Variants in PCMTD1 observed in about 807,000 individuals in gnomAD.
PCMTD1 encodes protein-L-isoaspartate O-methyltransferase domain-containing protein 1.
Under a neutral mutation model 37.6 loss-of-function variants are expected in PCMTD1, and 12 were observed. The observed-to-expected ratio is 0.32, with a 90% confidence interval of 0.20 to 0.52. The LOEUF is 0.52. PCMTD1 is among the 20% of genes least tolerant of loss of function. The pLI is 0.97. For synonymous variants in PCMTD1, 117 were observed against 135.8 expected, an observed-to-expected ratio of 0.86 and a Z score of 0.96; for missense variants, 235 against 421.3, an observed-to-expected ratio of 0.56 and a Z score of 3.87.
intron 1 of PCMTD1, among the ~76,000 whole-genome samples, chr8:51,877,468 C>A (rs1301253515): frequency 6.6e-6 from 1 of 152,140 alleles, no homozygotes; most frequent in African/African-American, 2.4e-5. Context: ...CATGCTAGGG[C>A]AAATATTTAG....
intron 5 of PCMTD1, among the ~76,000 whole-genome samples, chr8:51,822,605 C>T (rs1166947877): frequency 1.3e-5 from 2 of 152,186 alleles, no homozygotes; most frequent in African/African-American, 4.8e-5. Context: ...CAAGTAATAA[C>T]TGAATGCTAG....
intron 1 of PCMTD1, among the ~76,000 whole-genome samples, chr8:51,898,072 T>C (rs951313483): frequency 2.0e-5 from 3 of 152,138 alleles, no homozygotes; most frequent in African/African-American, 7.2e-5. Flanking sequence ...TTCATGTTTT[T>C]CTCAAGGAGC....
intron 1 of PCMTD1, among the ~76,000 whole-genome samples, chr8:51,893,990 C>G (rs1432758757): frequency 6.6e-6 from 1 of 152,180 alleles, no homozygotes; most frequent in Non-Finnish European, 1.5e-5. Context: ...CCAATTACAA[C>G]TGTTAGAGTA....
In PCMTD1 at chr8:51,820,117, A is replaced by T. The variant is rs183268151; in HGVS notation, c.*234T>A. The T allele has an allele frequency of 6.1e-5, 20 of 326,654 alleles. No individual in the cohort carries two copies. The highest frequency in any genetic ancestry group is 3.8e-5 in the Non-Finnish European group (7 of 183,054). 20.2% of individuals were successfully genotyped at this position (326,654 alleles called of 1,614,324 possible). Reference sequence around the variant, plus strand: ...TGACTACTGTTGCATTCCACTTTGAAATCACTCTGAGCTAAAACAACATTT... The same window carrying T: ...TGACTACTGTTGCATTCCACTTTGATATCACTCTGAGCTAAAACAACATTT... On this transcript the variant is annotated 3_prime_UTR_variant, in exon 6 of 6. Transcript: ENST00000522514.
chr8:51,877,062 T>C (rs2038722894), intron 1 of PCMTD1, among the ~76,000 whole-genome samples: 1 of 152,204 alleles, frequency 6.6e-6, no homozygotes, highest in African/African-American at 2.4e-5. Context: ...TTCACCAACA[T>C]TGGGCCTGTA....
intron 2 of PCMTD1, among the ~76,000 whole-genome samples, chr8:51,848,323 A>C (rs981808277): frequency 4.6e-5 from 7 of 152,076 alleles, no homozygotes; most frequent in Admixed American, 6.6e-5. Flanking sequence ...GAGAGAAAAA[A>C]AATCTAGTTA....
chr8:51,835,720 A>T (rs955706304), intron 3 of PCMTD1, among the ~76,000 whole-genome samples: 2 of 152,222 alleles, frequency 1.3e-5, no homozygotes, highest in African/African-American at 4.8e-5. Context: ...AAACATGTTA[A>T]ATCAACTAAA....
rs1310233210 is a variant in PCMTD1, at chr8:51,825,471, G to A, written c.707-4753C>T. Among the ~76,000 whole-genome samples, 3 of 47,778 alleles carry A rather than the reference G, an allele frequency of 6.3e-5. 1 individual carries two copies. Among genetic ancestry groups the A allele is most frequent in the African/African-American group, 9.4e-5 (3 of 31,748 alleles). The allele number at this position is 47,778 out of a possible 152,430, so 31.3% of individuals were successfully genotyped here. ...GCACTTTGGGAGGCCGAGGCGGGTG[G>A]ATCATGAGGTCAGGAGATCGAGACC... is the stretch of plus-strand genomic sequence containing the variant. On this transcript the variant is annotated intron_variant, in intron 5 of 5. Coordinates refer to ENST00000522514, the MANE Select transcript of PCMTD1 (RefSeq NM_052937.4).
chr8:51,896,948 CTA>C (rs934669721), intron 1 of PCMTD1, among the ~76,000 whole-genome samples: 2 of 149,660 alleles, frequency 1.3e-5, no homozygotes, highest in African/African-American at 4.9e-5. Context: ...ATTTATTACT[CTA>C]TAGAATGAGA....
intron 2 of PCMTD1, among the ~76,000 whole-genome samples, chr8:51,857,789 T>C (rs1000380117): frequency 1.3e-5 from 2 of 152,324 alleles, no homozygotes; most frequent in Non-Finnish European, 2.9e-5. Context: ...AGTAAATTTA[T>C]GAATAATTCC....
intron 1 of PCMTD1, among the ~76,000 whole-genome samples, chr8:51,889,218 T>C (rs2038905383): frequency 6.6e-6 from 1 of 152,224 alleles, no homozygotes; most frequent in African/African-American, 2.4e-5. Flanking sequence ...TCCGTCACTT[T>C]CTATCAAGTG....
At chr8:51,834,383 A>G (rs1415731214) in intron 3 of PCMTD1, among the ~76,000 whole-genome samples, 2 of 152,182 alleles carry the variant, frequency 1.3e-5, no homozygotes, top group African/African-American at 4.8e-5. Flanking sequence ...GTTCCTGGTA[A>G]TAGTGTTGGT....
chr8:51,896,281 A>G (rs2038999595), intron 1 of PCMTD1: 1 of 152,128 alleles, frequency 6.6e-6, no homozygotes, highest in Non-Finnish European at 1.5e-5. Flanking sequence ...TGCCACATCT[A>G]GTGGAAAATG....
intron 2 of PCMTD1, chr8:51,850,206 T>C (rs2038284901): frequency 1.6e-6 from 1 of 614,156 alleles, no homozygotes; most frequent in Non-Finnish European, 2.9e-6. Flanking sequence ...CACTGTATAA[T>C]AGTAGTCCCT....
rs777406793 is a variant in PCMTD1, at chr8:51,898,952, C to T, written c.-118G>A. ...TACCTGTGGCGCGGGCAGCGGCGCG[C>T]AGGCCAGGCGCTAGGACTCGGCGGG... On this transcript the variant is annotated 5_prime_UTR_variant, in exon 1 of 6. Coordinates refer to ENST00000522514, the MANE Select transcript of PCMTD1 (RefSeq NM_052937.4). 36 of 1,431,734 alleles carry T rather than the reference C, an allele frequency of 2.5e-5. No individual in the cohort carries two copies. In the South Asian group the frequency reaches 5.0e-4, roughly 20 times the overall value. The allele number at this position is 1,431,734 out of a possible 1,614,324, so 88.7% of individuals were successfully genotyped here.
At chr8:51,876,880 T>C (rs1004971909) in intron 1 of PCMTD1, among the ~76,000 whole-genome samples, 2 of 152,214 alleles carry the variant, frequency 1.3e-5, no homozygotes, top group African/African-American at 4.8e-5. Flanking sequence ...ATAATGGTGT[T>C]AGAAAAACAC....
At position 51,854,878 on chromosome 8, in the gene PCMTD1, C is replaced by CA. The variant is rs1264955870; in HGVS notation, c.307+5966dup. Among the ~76,000 whole-genome samples, 963 of 112,878 alleles carry CA rather than the reference C, an allele frequency of 8.5e-3. 5 individuals carry two copies. Among genetic ancestry groups the CA allele is most frequent in the African/African-American group, 0.013 (385 of 30,096 alleles). 74.1% of individuals were successfully genotyped at this position (112,878 alleles called of 152,430 possible). ...GGCTCTGACAGAACAAGACTTGTCT[C>CA]AAAAAAAAAAAAAAGGCTAGGCGTG... On this transcript the variant is annotated intron_variant, in intron 2 of 5. Transcript: ENST00000522514.
chr8:51,869,899 GAAACTATCTGCAAAGTGTTCCA>G (rs2038614003), intron 1 of PCMTD1, among the ~76,000 whole-genome samples: 1 of 152,142 alleles, frequency 6.6e-6, no homozygotes. Context: ...ATACACACCT[GAAACTATCTGCAAAGTGTTCCA>G]AACGTTTCTT....
intron 1 of PCMTD1, among the ~76,000 whole-genome samples, chr8:51,892,636 T>G (rs561889121): frequency 2.0e-5 from 3 of 152,258 alleles, no homozygotes; most frequent in African/African-American, 7.2e-5. Context: ...GTAGGGAATA[T>G]AGTTAAATCA....
Sources: allele counts gnomAD v4.1 joint callset (sites outside exome capture counted in the v4.1 genomes callset), GRCh38; gene constraint gnomAD v4.1.1; transcripts MANE v1.5; gene names NCBI Gene and HGNC (gene_info 2026-07-23, HGNC 2026-07-21).